Variants in PKHD1 observed in about 807,000 individuals in gnomAD.
PKHD1 encodes the protein PKHD1 ciliary IPT domain containing fibrocystin/polyductin.
In PKHD1, 291 loss-of-function variants were observed where a neutral mutation model predicts 412.0. That is an observed-to-expected ratio of 0.71 (90% CI 0.64 to 0.78). The LOEUF is 0.78. Among genes scored for constraint, PKHD1 ranks in the 30% least tolerant of loss-of-function variants. PKHD1 has a pLI of 0.00. For missense variants in PKHD1, 4,825 were observed against 4,950.7 expected (o/e 0.97, Z 0.76); for synonymous variants, 1,777 against 1,821.5 (o/e 0.98, Z 0.62).
At chr6:51,780,293 G>T (rs1006381273) in intron 53 of PKHD1, among the ~76,000 whole-genome samples, 4 of 152,060 alleles carry the variant, frequency 2.6e-5, no homozygotes, top group Non-Finnish European at 5.9e-5. Context: ...GGCTGAGGCA[G>T]GAGAATAGCT....
chr6:51,746,774 C>G lies in PKHD1; in HGVS notation c.9945G>C (p.Arg3315Ser). 1 of 1,611,608 alleles carries G rather than the reference C, an allele frequency of 6.2e-7. No homozygotes were observed. The highest frequency in any genetic ancestry group is 8.5e-7 in the Non-Finnish European group (1 of 1,177,916). Residue 3315 changes from arginine to serine, a missense_variant, in exon 59 of 67, where the codon AGG (arginine) becomes AGC (serine). By Grantham distance (110) the Arg-to-Ser change is moderately radical. Coordinates refer to ENST00000371117, the MANE Select transcript of PKHD1 (RefSeq NM_138694.4). Reference protein sequence around the residue: ...IMHPITAERTRMLKIKDKNKF... With the variant: ...IMHPITAERTSMLKIKDKNKF... Reference sequence around the variant, plus strand: ...TGTTTTTATCTTTTATCTTTAGCATCCTGGTCCTCTCTGCTGTTATTGGGT... The same window carrying G: ...TGTTTTTATCTTTTATCTTTAGCATGCTGGTCCTCTCTGCTGTTATTGGGT...
rs976420096 is a variant in PKHD1 at position 52,035,654 on chromosome 6, G to A, written c.3165C>T (p.Tyr1055=). Residue 1055 remains tyrosine, a synonymous_variant, in exon 28 of 67, where the codon TAC becomes TAT. Transcript: ENST00000371117. ...EGVSLILFGS[Y]SCAINVATSN... ...TTGTAGCGACATTGATGGCACACGA[G>A]TAAGATCCAAATAATATCAGGCTAA... 6.2e-7 allele frequency: 1 copy of A among 1,613,710 alleles called. No individual in the cohort carries two copies. Among genetic ancestry groups the A allele is most frequent in the Non-Finnish European group, 8.5e-7 (1 of 1,179,784 alleles).
chr6:51,694,160 C>T (rs943162207), intron 60 of PKHD1, among the ~76,000 whole-genome samples: 1 of 151,900 alleles, frequency 6.6e-6, no homozygotes, highest in Non-Finnish European at 1.5e-5. Context: ...TAAATTTTCT[C>T]CCTCCTACCT....
chr6:51,633,022 C>T (rs1379746566), intron 64 of PKHD1, among the ~76,000 whole-genome samples: 1 of 152,108 alleles, frequency 6.6e-6, no homozygotes, highest in Admixed American at 6.6e-5. Context: ...TGCAAAATTT[C>T]AGCTTCTTTC....
At chr6:51,976,242 T>C (rs1794424870) in intron 35 of PKHD1, among the ~76,000 whole-genome samples, 1 of 152,246 alleles carries the variant, frequency 6.6e-6, no homozygotes, top group South Asian at 2.1e-4. Flanking sequence ...AAGCAACTCA[T>C]GTGCATTGAC....
At chr6:51,737,044 T>C (rs941142408) in intron 60 of PKHD1, among the ~76,000 whole-genome samples, 1 of 152,196 alleles carries the variant, frequency 6.6e-6, no homozygotes, top group African/African-American at 2.4e-5. Flanking sequence ...CCTAATCTTT[T>C]ATTTTTGATT....
chr6:51,790,610 TATG>T (rs1793592111), intron 53 of PKHD1, among the ~76,000 whole-genome samples: 1 of 152,140 alleles, frequency 6.6e-6, no homozygotes, highest in African/African-American at 2.4e-5. Flanking sequence ...TGTCCCAAGA[TATG>T]GTGGTTCTAA....
intron 37 of PKHD1, among the ~76,000 whole-genome samples, chr6:51,929,937 C>T (rs1273621590): frequency 6.6e-6 from 1 of 152,184 alleles, no homozygotes; most frequent in African/African-American, 2.4e-5. Flanking sequence ...AACTGTCAGC[C>T]AAATTTCTCA....
chr6:52,048,196 G>C (rs1806167923), intron 23 of PKHD1, among the ~76,000 whole-genome samples: 1 of 152,148 alleles, frequency 6.6e-6, no homozygotes, highest in African/African-American at 2.4e-5. Context: ...ATTTTTTGCT[G>C]TTTGAAGCCA....
intron 35 of PKHD1, among the ~76,000 whole-genome samples, chr6:51,969,759 G>GTA (rs541982494): frequency 4.0e-4 from 61 of 151,978 alleles, no homozygotes; most frequent in African/African-American, 1.4e-3. Flanking sequence ...ATGTATGTGT[G>GTA]TATATATATG....
chr6:51,840,474 G>T (rs1467324034), intron 50 of PKHD1, among the ~76,000 whole-genome samples: 1 of 151,874 alleles, frequency 6.6e-6, no homozygotes, highest in Non-Finnish European at 1.5e-5. Context: ...AATCCTGAAA[G>T]TTAGCTCAAT....
At chr6:51,987,816 G>T (rs1016856133) in intron 35 of PKHD1, among the ~76,000 whole-genome samples, 18 of 151,382 alleles carry the variant, frequency 1.2e-4, no homozygotes, top group African/African-American at 4.4e-4. Context: ...CTAAGCCCTA[G>T]CAATTGTTTT....
intron 55 of PKHD1, 34 bp downstream of exon 55, chr6:51,772,668 C>G (rs755663484): frequency 8.1e-6 from 9 of 1,108,480 alleles, no homozygotes; most frequent in Non-Finnish European, 1.2e-5. Context: ...AAACAACAAC[C>G]AAGAAAAAGC....
At chr6:52,086,683 C>T (rs1226871016) in intron 1 of PKHD1, among the ~76,000 whole-genome samples, 1 of 152,138 alleles carries the variant, frequency 6.6e-6, no homozygotes, top group African/African-American at 2.4e-5. Context: ...GTACCTGCCC[C>T]CGAGTCATTA....
intron 60 of PKHD1, among the ~76,000 whole-genome samples, chr6:51,723,867 CT>C (rs1782232408): frequency 6.6e-6 from 1 of 152,128 alleles, no homozygotes; most frequent in South Asian, 2.1e-4. Context: ...ATACTGAGCA[CT>C]TTTGAATTAA....
chr6:51,909,145 C>A, intron 40 of PKHD1, 138 bp downstream of exon 40: 1 of 751,488 alleles, frequency 1.3e-6, no homozygotes, highest in Non-Finnish European at 2.3e-6. Context: ...AGTTTGGGAA[C>A]CATAGACCTA....
intron 60 of PKHD1, among the ~76,000 whole-genome samples, chr6:51,675,546 C>T (rs552943248): frequency 9.9e-5 from 15 of 152,224 alleles, no homozygotes; most frequent in Non-Finnish European, 2.2e-4. Flanking sequence ...AGAAAGAGAA[C>T]TCCATATGAA....
rs1412596990 is a variant in PKHD1, at chr6:52,073,535, A to C, written c.455T>G (p.Leu152Arg). The C allele has an allele frequency of 3.1e-6, 5 of 1,592,410 alleles. No homozygotes were observed. Among genetic ancestry groups the C allele is most frequent in the Non-Finnish European group, 4.3e-6 (5 of 1,160,442 alleles). Residue 152 changes from leucine to arginine, a missense_variant, in exon 7 of 67, where the codon CTA becomes CGA. Transcript: ENST00000371117. Reference sequence around the variant, plus strand: ...GATAATCCAGCCATATACATGTATTAGTTTTCCTGTTTGAAGAAGAATTTT... The same window carrying C: ...GATAATCCAGCCATATACATGTATTCGTTTTCCTGTTTGAAGAAGAATTTT... ...VYPPSGVPGK[L>R]IHVYGWIITG... is the part of the protein sequence containing the mutation.
chr6:51,972,961 A>C (rs1261039602), intron 35 of PKHD1, among the ~76,000 whole-genome samples: 1 of 152,244 alleles, frequency 6.6e-6, no homozygotes, highest in East Asian at 1.9e-4. Context: ...TGTCAGGATC[A>C]AAACCGCATG....
Sources: gnomAD v4.1 joint callset for allele counts (sites outside exome capture counted in the v4.1 genomes callset) on GRCh38, gnomAD v4.1.1 for gene constraint, MANE v1.5 for transcripts, NCBI Gene and HGNC (gene_info 2026-07-23, HGNC 2026-07-21) for gene names.